The following DPY19L4 variants were observed in gnomAD, a reference collection of about 807,000 sequenced individuals.
DPY19L4 encodes probable C-mannosyltransferase DPY19L4.
Under a neutral mutation model 102.8 loss-of-function variants are expected in DPY19L4, and 97 were observed. That is an observed-to-expected ratio of 0.94 (90% CI 0.80 to 1.12). The LOEUF (loss-of-function observed/expected upper bound fraction) is 1.12, where lower values mean the gene tolerates loss of function less well. DPY19L4 is among the 50% of genes most tolerant of loss of function. DPY19L4 has a pLI of 0.00. For missense variants in DPY19L4, 815 were observed against 850.4 expected, an observed-to-expected ratio of 0.96 and a Z score of 0.52; for synonymous variants, 252 against 283.1, an observed-to-expected ratio of 0.89 and a Z score of 1.10.
At position 94,788,010 on chromosome 8, in the gene DPY19L4, A is replaced by G. The variant is rs1298312418; in HGVS notation, c.1965A>G (p.Arg655=). 1.3e-6 allele frequency: 2 copies of G among 1,506,136 alleles called. No individual in the cohort carries two copies. The highest frequency in any genetic ancestry group is 1.8e-6 in the Non-Finnish European group (2 of 1,128,898). 93.3% of individuals were successfully genotyped at this position (1,506,136 alleles called of 1,614,324 possible). A position where few individuals can be genotyped will look rare whatever the true frequency, so the allele number is the denominator to read the frequency against. Residue 655 remains arginine (R), a synonymous_variant, in exon 18 of 19, where the codon AGA becomes AGG. Coordinates refer to ENST00000414645, the MANE Select transcript of DPY19L4 (RefSeq NM_181787.3). ...TCTGCAATGAGGTGGGACCCATGAGAGGCTGTAGGGTTAAAGATTTATTAG... is the reference window on the plus strand; with the variant it reads ...TCTGCAATGAGGTGGGACCCATGAGGGGCTGTAGGGTTAAAGATTTATTAG... ...DAICNEVGPM[R]GCRVKDLLDI...
intron 2 of DPY19L4, among the ~76,000 whole-genome samples, chr8:94,732,811 C>CTTTTTTTT (rs10624368): frequency 7.8e-6 from 1 of 128,102 alleles, no homozygotes; most frequent in Admixed American, 8.4e-5. Flanking sequence ...CTTTTTCTTT[C>CTTTTTTTT]TTTTTTTTTT....
chr8:94,733,283 C>G lies in DPY19L4; in HGVS notation c.128-1347C>G, dbSNP rs185714965. On this transcript the variant is annotated intron_variant, in intron 2 of 18. Coordinates refer to ENST00000414645, the MANE Select transcript of DPY19L4 (RefSeq NM_181787.3). ...GGGACTACAGGCACCTGCCACCATG[C>G]CCGGCTAATTTTTTGTATTTTTTAA... Among the ~76,000 whole-genome samples the G allele has an allele frequency of 4.0e-3, 601 of 151,852 alleles. 5 individuals carry two copies. Among genetic ancestry groups the G allele is most frequent in the African/African-American group, 0.014 (582 of 41,444 alleles).
chr8:94,774,409 GTTTT>G (rs914065235), intron 13 of DPY19L4, among the ~76,000 whole-genome samples: 14 of 151,290 alleles, frequency 9.3e-5, no homozygotes, highest in Middle Eastern at 3.4e-3. Context: ...CCATCTTAAT[GTTTT>G]TTAAGTATAC....
At chr8:94,771,997 G>A (rs1256122084) in intron 13 of DPY19L4, among the ~76,000 whole-genome samples, 1 of 152,098 alleles carries the variant, frequency 6.6e-6, no homozygotes, top group African/African-American at 2.4e-5. Flanking sequence ...GTATTCACAT[G>A]TTAATATTTA....
chr8:94,764,843 C>T (rs1262989123), intron 8 of DPY19L4, among the ~76,000 whole-genome samples: 1 of 146,932 alleles, frequency 6.8e-6, no homozygotes, highest in Non-Finnish European at 1.5e-5. Context: ...ATTCTCATGC[C>T]TCAGCCTCCC....
At chr8:94,747,852 G>A (rs1344028200) in intron 6 of DPY19L4, among the ~76,000 whole-genome samples, 1 of 152,084 alleles carries the variant, frequency 6.6e-6, no homozygotes, top group African/African-American at 2.4e-5. Flanking sequence ...GAGCCACCGC[G>A]CTGGGCCTAT....
intron 3 of DPY19L4, among the ~76,000 whole-genome samples, chr8:94,736,358 G>T (rs1811188607): frequency 6.6e-6 from 1 of 152,130 alleles, no homozygotes; most frequent in Non-Finnish European, 1.5e-5. Context: ...CTTCCTCTTG[G>T]AGAGTCACAA....
chr8:94,730,945 A>G (rs1398586014), intron 2 of DPY19L4, among the ~76,000 whole-genome samples: 1 of 148,692 alleles, frequency 6.7e-6, no homozygotes, highest in African/African-American at 2.5e-5. Flanking sequence ...GGGTTTCTCC[A>G]TGTTGGCCAG....
intron 6 of DPY19L4, among the ~76,000 whole-genome samples, chr8:94,742,973 G>A (rs1428720249): frequency 1.3e-5 from 2 of 152,092 alleles, no homozygotes; most frequent in Admixed American, 6.6e-5. Flanking sequence ...CCAAAGTGCT[G>A]AGCTTACAGG....
chr8:94,785,253 T>C (rs761313151), intron 17 of DPY19L4, among the ~76,000 whole-genome samples: 2 of 152,172 alleles, frequency 1.3e-5, no homozygotes, highest in Non-Finnish European at 2.9e-5. Flanking sequence ...AATTTTAAAG[T>C]TTGCTATTAT....
Position 94,720,014 on chromosome 8 carries a change from G to GC in DPY19L4, c.16_16+1insC (p.Gly6AlafsTer18). 1.3e-6 allele frequency: 2 copies of GC among 1,531,990 alleles called. No individual in the cohort carries two copies. The highest frequency in any genetic ancestry group is 2.4e-5 in the South Asian group (2 of 82,078). The allele number at this position is 1,531,990 out of a possible 1,614,324, so 94.9% of individuals were successfully genotyped here. On this transcript the variant is annotated frameshift_variant and splice_region_variant. Coordinates refer to ENST00000414645, the MANE Select transcript of DPY19L4 (RefSeq NM_181787.3). LOFTEE classifies it high-confidence loss of function. ...CGCAGAAACGATGGCGGAGGAAGAA[G>GC]GTGATTGCCGCGGGGTCCAGCGCGC...
chr8:94,770,755 A>G (rs776663911), intron 13 of DPY19L4, among the ~76,000 whole-genome samples, 184 bp downstream of exon 13: 1 of 152,016 alleles, frequency 6.6e-6, no homozygotes, highest in Non-Finnish European at 1.5e-5. Flanking sequence ...CTAAAAATAC[A>G]AAAATTAGCT....
intron 16 of DPY19L4, 31 bp from the exon 17 acceptor site, chr8:94,783,639 T>C (rs766963192): frequency 6.2e-7 from 1 of 1,609,202 alleles, no homozygotes; most frequent in East Asian, 2.2e-5. Flanking sequence ...ACTTGCCTTT[T>C]CAGTGTGCAA....
chr8:94,770,116 A>G (rs1258940026), intron 12 of DPY19L4, among the ~76,000 whole-genome samples: 1 of 152,022 alleles, frequency 6.6e-6, no homozygotes, highest in Non-Finnish European at 1.5e-5. Flanking sequence ...CGAACTCTTG[A>G]CCTCAAGTGA....
At chr8:94,783,074 C>T (rs922606517) in intron 16 of DPY19L4, among the ~76,000 whole-genome samples, 33 of 149,932 alleles carry the variant, frequency 2.2e-4, no homozygotes, top group Admixed American at 2.0e-3. Context: ...TAAATTTAGA[C>T]AGTGAATAAA....
intron 6 of DPY19L4, among the ~76,000 whole-genome samples, chr8:94,743,230 T>C (rs1266842930): frequency 6.6e-6 from 1 of 151,280 alleles, no homozygotes; most frequent in Non-Finnish European, 1.5e-5. Flanking sequence ...GGTTTTGCCA[T>C]GTTGGCCCAG....
intron 2 of DPY19L4, among the ~76,000 whole-genome samples, chr8:94,730,287 A>G (rs1052615682): frequency 6.6e-6 from 1 of 152,230 alleles, no homozygotes; most frequent in Non-Finnish European, 1.5e-5. Flanking sequence ...GTGACTAACA[A>G]CTTAAAGTCA....
chr8:94,741,741 G>A (rs767002695), intron 6 of DPY19L4, among the ~76,000 whole-genome samples: 5 of 152,132 alleles, frequency 3.3e-5, no homozygotes, highest in Admixed American at 2.0e-4. Flanking sequence ...CTTTCAGGCC[G>A]GCTCCTGAGT....
At chr8:94,737,782 CAAACAAAACA>C (rs149305419) in intron 3 of DPY19L4, among the ~76,000 whole-genome samples, 2 of 150,052 alleles carry the variant, frequency 1.3e-5, no homozygotes, top group East Asian at 2.0e-4. Context: ...GACTCTGTTT[CAAACAAAACA>C]AAACAAAACA....
Sources: allele counts gnomAD v4.1 joint callset (sites outside exome capture counted in the v4.1 genomes callset), GRCh38; gene constraint gnomAD v4.1.1; transcripts MANE v1.5; gene names NCBI Gene and HGNC (gene_info 2026-07-23, HGNC 2026-07-21).